CERCAM: variants seen among roughly 807,000 people sequenced by gnomAD.
CERCAM encodes cerebral endothelial cell adhesion molecule.
CERCAM carries 59 observed loss-of-function variants against 66.0 expected under a neutral mutation model. The observed-to-expected ratio is 0.89, with a 90% CI of 0.73 to 1.11. The LOEUF (loss-of-function observed/expected upper bound fraction) is 1.11, where lower values mean the gene tolerates loss of function less well. CERCAM is among the 50% of genes most tolerant of loss of function. The pLI, the probability that CERCAM is intolerant of heterozygous loss-of-function variation, is 0.00. For synonymous variants in CERCAM, 318 were observed against 343.6 expected, an observed-to-expected ratio of 0.93 and a Z score of 0.83; for missense variants, 840 against 828.3, an observed-to-expected ratio of 1.01 and a Z score of -0.17.
chr9:128,428,282 C>T lies in CERCAM; in HGVS notation c.767-20C>T, dbSNP rs749382102. 2 of 1,612,666 alleles carry T rather than the reference C, an allele frequency of 1.2e-6. No individual in the cohort carries two copies. Among genetic ancestry groups the T allele is most frequent in the Non-Finnish European group, 8.5e-7 (1 of 1,179,230 alleles). Reference sequence around the variant, plus strand: ...GAGCCCCACCCTCCACTGCAGCTCTCACTCAGCCTGTCTCTGCAGGGGTCT... The same window carrying T: ...GAGCCCCACCCTCCACTGCAGCTCTTACTCAGCCTGTCTCTGCAGGGGTCT... On this transcript the variant is annotated intron_variant, in intron 5 of 12. Transcript: ENST00000372838.
rs753149546 is a variant in CERCAM, at chr9:128,428,916, C to G, written c.964-14C>G. ...CTCCCTTGCACTTACCGCCCACCCC[C>G]CTGCCTCCTCCAGGTCTTTGTCATC... is the stretch of plus-strand genomic sequence containing the variant. On this transcript the variant is annotated splice_polypyrimidine_tract_variant and intron_variant, in intron 7 of 12. Transcript: ENST00000372838. 20 of 1,607,374 alleles carry G rather than the reference C, an allele frequency of 1.2e-5. No individual in the cohort carries two copies. The Admixed American group carries it at 1.9e-4, about 15-fold the overall frequency.
rs961185456 is a variant in CERCAM at position 128,435,195 on chromosome 9, C to T, written c.1536-458C>T. Among the ~76,000 whole-genome samples the T allele has an allele frequency of 1.3e-4, 20 of 152,216 alleles. No individual in the cohort carries two copies. The Middle Eastern group carries it at 0.01, about 78-fold the overall frequency. ...ATTTTTAGTAGAGACAGGGTTTCTC[C>T]ATGTTGGCCAGGCTGGTGTCGAACT... On this transcript the variant is annotated intron_variant, in intron 11 of 12. Coordinates refer to ENST00000372838, the MANE Select transcript of CERCAM (RefSeq NM_016174.5).
intron 8 of CERCAM, among the ~76,000 whole-genome samples, chr9:128,430,138 T>C (rs1043681209): frequency 1.3e-5 from 2 of 152,154 alleles, no homozygotes; most frequent in East Asian, 1.9e-4. Flanking sequence ...CGGTGGCTCA[T>C]GCCTGTAATC....
At chr9:128,429,321 C>T (rs552522961) in intron 8 of CERCAM, among the ~76,000 whole-genome samples, 1 of 152,300 alleles carries the variant, frequency 6.6e-6, no homozygotes, top group African/African-American at 2.4e-5. Flanking sequence ...CAGCCAGCTA[C>T]CCCCATCTCT....
intron 9 of CERCAM, among the ~76,000 whole-genome samples, chr9:128,433,438 G>A (rs975406147): frequency 2.6e-5 from 4 of 151,988 alleles, no homozygotes; most frequent in African/African-American, 7.3e-5. Context: ...CCACTTCCCC[G>A]CCCCCAGAGA....
chr9:128,420,825 C>T, upstream of CERCAM: 2 of 942,050 alleles, frequency 2.1e-6, no homozygotes, highest in Admixed American at 4.6e-5. This position sits in a 1 kb window ranked among gnomAD's most constrained non-coding sequence, Gnocchi z 5.0. Flanking sequence ...CGCCCCCTCC[C>T]CTCGGCCGGC....
intron 9 of CERCAM, 34 bp downstream of exon 9, chr9:128,431,337 CG>C (rs1564430006): frequency 6.2e-7 from 1 of 1,611,814 alleles, no homozygotes; most frequent in Admixed American, 1.7e-5. Flanking sequence ...CCACAGCCTT[CG>C]GGGAGAACGG....
intron 5 of CERCAM, among the ~76,000 whole-genome samples, chr9:128,425,795 G>A (rs911986701): frequency 2.7e-5 from 4 of 150,550 alleles, no homozygotes; most frequent in Admixed American, 2.7e-4. Context: ...ACAGGCATGG[G>A]CCACTGAGCC....
At chr9:128,420,848 G>T (rs1178316423), upstream of CERCAM, 7 of 1,142,376 alleles carry the variant, frequency 6.1e-6, no homozygotes, top group Non-Finnish European at 6.6e-6. This position sits in a 1 kb window ranked among gnomAD's most constrained non-coding sequence, Gnocchi z 5.0. Flanking sequence ...GAGAGCTCCG[G>T]GGGCCGCTGC....
intron 8 of CERCAM, among the ~76,000 whole-genome samples, chr9:128,429,715 G>A (rs930048091): frequency 6.6e-6 from 1 of 152,028 alleles, no homozygotes; most frequent in Non-Finnish European, 1.5e-5. Context: ...CTGGGCTCAA[G>A]TAATCCTCCC....
intron 9 of CERCAM, among the ~76,000 whole-genome samples, chr9:128,432,380 CT>C (rs1269523487): frequency 0.023 from 2,752 of 118,280 alleles, 20 homozygotes; most frequent in African/African-American, 0.041. Context: ...TGGTTCACTA[CT>C]TTTTTTTTTT....
At position 128,428,316 on chromosome 9, in the gene CERCAM, G is replaced by T; in HGVS notation, c.781G>T (p.Val261Leu). 6.2e-7 allele frequency: 1 copy of T among 1,614,042 alleles called. No homozygotes were observed. Reference protein sequence around the residue: ...ACQAAGVSVHVCNEHRYGYMN... With the variant: ...ACQAAGVSVHLCNEHRYGYMN... Reference sequence around the variant, plus strand: ...TGTCTCTGCAGGGGTCTCCGTCCACGTGTGCAATGAGCACCGTTATGGGTA... The same window carrying T: ...TGTCTCTGCAGGGGTCTCCGTCCACTTGTGCAATGAGCACCGTTATGGGTA... Residue 261 changes from valine to leucine, a missense_variant, in exon 6 of 13, where the codon GTG becomes TTG. By Grantham distance (32) the Val-to-Leu change is conservative. Transcript: ENST00000372838.
rs768590300 is a variant in CERCAM, at chr9:128,424,212, G to A, written c.501G>A (p.Val167=). Residue 167 remains valine (V), a synonymous_variant, in exon 4 of 13, where the codon GTG becomes GTA. Transcript: ENST00000372838. ...RLLMGQGLPV[V]APMLDSQTYY... ...TCATGGGGCAGGGGCTTCCAGTGGT[G>A]GCCCCAATGCTGGACTCCCAGACCT... is the stretch of plus-strand genomic sequence containing the variant. 15 of 1,613,954 alleles carry A rather than the reference G, an allele frequency of 9.3e-6. No individual in the cohort carries two copies. The Admixed American group carries it at 2.5e-4, about 27-fold the overall frequency.
chr9:128,429,071 TG>T (rs1355788867), intron 8 of CERCAM, 35 bp downstream of exon 8: 2 of 1,490,026 alleles, frequency 1.3e-6, no homozygotes, highest in Non-Finnish European at 1.8e-6. Context: ...CCTGTGCGCT[TG>T]GGGAAGCAGT....
At position 128,428,951 on chromosome 9, in the gene CERCAM, C is replaced by T. The variant is rs778706859; in HGVS notation, c.985C>T (p.Arg329Cys). ...FDEVFVISLA[R>C]RPDRRERMLA... ...CCAGGTCTTTGTCATCAGCCTGGCTCGCAGGCCTGACCGTCGGGAACGCAT... is the reference window on the plus strand; with the variant it reads ...CCAGGTCTTTGTCATCAGCCTGGCTTGCAGGCCTGACCGTCGGGAACGCAT... Residue 329 changes from arginine (R) to cysteine (C), a missense_variant, in exon 8 of 13, where the codon CGC (arginine) becomes TGC (cysteine). Coordinates refer to ENST00000372838, the MANE Select transcript of CERCAM (RefSeq NM_016174.5). The T allele has an allele frequency of 1.3e-4, 206 of 1,609,992 alleles. 1 individual carries two copies. Among genetic ancestry groups the T allele is most frequent in the East Asian group, 3.3e-4 (15 of 44,782 alleles).
chr9:128,431,295 T>G lies in CERCAM; in HGVS notation c.1195T>G (p.Trp399Gly), dbSNP rs1833970416. The change falls in exon 9 of 13, where the codon TGG becomes GGG. Residue 399 changes from tryptophan (W) to glycine (G), a missense_variant. Transcript: ENST00000372838. ...CTGCTTCCTCAGCCATTACTCCATC[T>G]GGGAAGAGGTGAGGGTGCCTGCTTC... is the stretch of plus-strand genomic sequence containing the variant. ...VGCFLSHYSI[W>G]EEVVARGLAR... 1.9e-6 allele frequency: 3 copies of G among 1,613,912 alleles called. No homozygotes were observed. Among genetic ancestry groups the G allele is most frequent in the Non-Finnish European group, 2.5e-6 (3 of 1,180,010 alleles).
intron 5 of CERCAM, among the ~76,000 whole-genome samples, chr9:128,426,241 A>G (rs13300140): frequency 0.33 from 49,718 of 151,630 alleles, 11,424 homozygotes; most frequent in African/African-American, 0.66. Flanking sequence ...AACTGTGATC[A>G]TGCCACTGTA....
chr9:128,435,783 G>A lies in CERCAM; in HGVS notation c.1666G>A (p.Asp556Asn), dbSNP rs1834096859. Residue 556 changes from aspartate to asparagine, a missense_variant, in exon 12 of 13, where the codon GAT becomes AAT. Asp to Asn is a conservative substitution (Grantham distance 23). Transcript: ENST00000372838. ...TGACACGGAGACATCCTCTCCATGG[G>A]ATGATGACAGCGGCCGCCTCATCAG... ...LSDTETSSPWDDDSGRLISWS... is the reference protein window; with the variant it reads ...LSDTETSSPWNDDSGRLISWS... 3 of 1,613,186 alleles carry A rather than the reference G, an allele frequency of 1.9e-6. No homozygotes were observed. The highest frequency in any genetic ancestry group is 2.5e-6 in the Non-Finnish European group (3 of 1,179,830).
At chr9:128,431,347 G>A (rs768363485) in intron 9 of CERCAM, 44 bp downstream of exon 9, 31 of 1,610,512 alleles carry the variant, frequency 1.9e-5, no homozygotes, top group Middle Eastern at 1.7e-4. Context: ...CGGGGAGAAC[G>A]GGGCCAGTTT....
Sources: gnomAD v4.1 joint callset for allele counts (sites outside exome capture counted in the v4.1 genomes callset) on GRCh38, gnomAD v4.1.1 for gene constraint, Gnocchi (gnomAD v3.1) non-coding constraint, MANE v1.5 for transcripts, NCBI Gene and HGNC (gene_info 2026-07-23, HGNC 2026-07-21) for gene names.